CDH13: variants seen among roughly 807,000 people sequenced by gnomAD.
CDH13 encodes the protein cadherin 13.
A neutral mutation model predicts 63.8 loss-of-function variants in CDH13; 24 were observed. The ratio of observed to expected loss-of-function variants is 0.38; its 90% CI spans 0.27 to 0.53. The LOEUF (loss-of-function observed/expected upper bound fraction) is 0.53. Among genes scored for constraint, CDH13 ranks in the 20% least tolerant of loss-of-function variants. The probability of loss-of-function intolerance (pLI) is 0.85; values close to 1 mark genes in which losing one functional copy is unlikely to be tolerated. For synonymous variants in CDH13, 503 were observed against 355.3 expected (o/e 1.42, Z -4.67); for missense variants, 1,049 against 903.1 (o/e 1.16, Z -2.07).
intron 1 of CDH13, among the ~76,000 whole-genome samples, chr16:82,710,392 G>C (rs59542100): frequency 1.4e-5 from 2 of 145,462 alleles, no homozygotes; most frequent in African/African-American, 2.5e-5. Flanking sequence ...AATTAGCTGC[G>C]CATGGTGGTG....
At chr16:83,288,753 T>C (rs575754332) in intron 5 of CDH13, among the ~76,000 whole-genome samples, 1 of 152,362 alleles carries the variant, frequency 6.6e-6, no homozygotes, top group Admixed American at 6.5e-5. Context: ...CAAGTGGACA[T>C]GTCTTTATTT....
At chr16:83,455,779 C>T (rs1405445865) in intron 6 of CDH13, among the ~76,000 whole-genome samples, 1 of 152,222 alleles carries the variant, frequency 6.6e-6, no homozygotes, top group Admixed American at 6.5e-5. Flanking sequence ...AAGTGCAGGG[C>T]CAGGGCAGCA....
intron 1 of CDH13, among the ~76,000 whole-genome samples, chr16:82,651,658 A>G (rs181337438): frequency 6.6e-6 from 1 of 152,302 alleles, no homozygotes; most frequent in East Asian, 1.9e-4. Context: ...AGGCTTAGAG[A>G]GGGTAGGTAC....
At chr16:82,742,480 C>T (rs2033976729) in intron 1 of CDH13, among the ~76,000 whole-genome samples, 1 of 152,040 alleles carries the variant, frequency 6.6e-6, no homozygotes, top group African/African-American at 2.4e-5. Context: ...TTATGTATAG[C>T]TCTTTATGTG....
At chr16:83,066,858 T>C (rs1475212350) in intron 3 of CDH13, among the ~76,000 whole-genome samples, 2 of 152,232 alleles carry the variant, frequency 1.3e-5, no homozygotes, top group African/African-American at 4.8e-5. Context: ...GGCTGCTTAG[T>C]GAGCATGAAG....
intron 1 of CDH13, among the ~76,000 whole-genome samples, chr16:82,781,695 C>T (rs1485883819): frequency 1.3e-5 from 2 of 152,204 alleles, no homozygotes; most frequent in Non-Finnish European, 1.5e-5. Flanking sequence ...CACTTACCTC[C>T]CCTCTCATCC....
At position 82,644,998 on chromosome 16, in the gene CDH13, T is replaced by TC. The variant is rs540520591; in HGVS notation, c.45+17861_45+17862insC. 8.5e-5 allele frequency among the ~76,000 whole-genome samples: 13 copies of TC among 152,310 alleles called. 1 individual carries two copies. In the South Asian group the frequency reaches 2.5e-3, roughly 29 times the overall value. The stretch of plus-strand genomic sequence containing the variant: ...AGTGGACCAGATTGGGTTTTGTTTT[T>TC]TCACAAATGAAAGTCTCTGAGATTG... On this transcript the variant is annotated intron_variant, in intron 1 of 13. Transcript: ENST00000567109. The surrounding 1 kb of genome is among the most constrained non-coding windows in gnomAD (Gnocchi z 5.7).
intron 2 of CDH13, among the ~76,000 whole-genome samples, chr16:82,895,553 T>G (rs1337901689): frequency 6.6e-6 from 1 of 152,172 alleles, no homozygotes; most frequent in Non-Finnish European, 1.5e-5. Context: ...ATGCTTTATA[T>G]CAGGGTTCAC....
At chr16:83,539,706 A>C (rs1346820504) in intron 7 of CDH13, among the ~76,000 whole-genome samples, 1 of 152,222 alleles carries the variant, frequency 6.6e-6, no homozygotes, top group Non-Finnish European at 1.5e-5. Flanking sequence ...AGGTACTGTA[A>C]TTATTCCCAT....
chr16:82,642,675 A>T (rs954661772), intron 1 of CDH13, among the ~76,000 whole-genome samples: 2 of 152,192 alleles, frequency 1.3e-5, no homozygotes, highest in Admixed American at 1.3e-4. Context: ...TACCAGTCAG[A>T]TGCTTTGGGG....
intron 6 of CDH13, among the ~76,000 whole-genome samples, chr16:83,446,216 T>A (rs1881970962): frequency 6.7e-6 from 1 of 149,410 alleles, no homozygotes; most frequent in Non-Finnish European, 1.5e-5. Flanking sequence ...GGCAAGAGAA[T>A]CGCTTGAACC....
intron 3 of CDH13, among the ~76,000 whole-genome samples, chr16:83,072,784 T>A (rs1418015196): frequency 1.3e-5 from 2 of 152,146 alleles, no homozygotes; most frequent in Non-Finnish European, 2.9e-5. Context: ...AGTAGAAATG[T>A]AGAATCCCAG....
chr16:82,897,499 T>C (rs576330576), intron 2 of CDH13, among the ~76,000 whole-genome samples: 2 of 152,378 alleles, frequency 1.3e-5, no homozygotes, highest in South Asian at 4.1e-4. Flanking sequence ...TGAGAATTTA[T>C]CTGTACTGTC....
chr16:82,848,251 G>C (rs2039345932), intron 1 of CDH13, among the ~76,000 whole-genome samples: 1 of 152,128 alleles, frequency 6.6e-6, no homozygotes, highest in Admixed American at 6.5e-5. Flanking sequence ...GATAAAACTG[G>C]GTTCAGGTTA....
intron 4 of CDH13, among the ~76,000 whole-genome samples, chr16:83,163,307 C>T (rs960904094): frequency 6.6e-6 from 1 of 152,014 alleles, no homozygotes; most frequent in Non-Finnish European, 1.5e-5. Flanking sequence ...AGGGAAACCT[C>T]TTTGTTCCCT....
intron 7 of CDH13, among the ~76,000 whole-genome samples, chr16:83,563,597 A>G (rs1278083578): frequency 6.6e-6 from 1 of 152,164 alleles, no homozygotes; most frequent in Non-Finnish European, 1.5e-5. Context: ...GAAATTTTAC[A>G]TATAGCCTTA....
At chr16:82,632,943 C>T (rs1908196809) in intron 1 of CDH13, among the ~76,000 whole-genome samples, 1 of 152,130 alleles carries the variant, frequency 6.6e-6, no homozygotes, top group African/African-American at 2.4e-5. Context: ...AGATCCCATG[C>T]ACGCACACAG....
chr16:83,329,706 C>T (rs1469041534), intron 5 of CDH13, among the ~76,000 whole-genome samples: 1 of 152,140 alleles, frequency 6.6e-6, no homozygotes, highest in Non-Finnish European at 1.5e-5. Context: ...CCTTGAGAGT[C>T]ACCATTCTAC....
chr16:82,632,777 T>A (rs916034676), intron 1 of CDH13, among the ~76,000 whole-genome samples: 2 of 152,176 alleles, frequency 1.3e-5, no homozygotes, highest in East Asian at 3.8e-4. Context: ...ATTGTTACAT[T>A]GTAATATATA....
Sources: gnomAD v4.1 joint callset for allele counts (sites outside exome capture counted in the v4.1 genomes callset) on GRCh38, gnomAD v4.1.1 for gene constraint, Gnocchi (gnomAD v3.1) non-coding constraint, MANE v1.5 for transcripts, NCBI Gene and HGNC (gene_info 2026-07-23, HGNC 2026-07-21) for gene names.